The following TRIM36 variants were observed in gnomAD, a reference collection of about 807,000 sequenced individuals.
TRIM36 encodes the protein tripartite motif containing 36, also known as E3 ubiquitin-protein ligase TRIM36.
Under a neutral mutation model 72.4 loss-of-function variants are expected in TRIM36, and 42 were observed. That is an observed-to-expected ratio of 0.58 (90% CI 0.45 to 0.75). TRIM36 has a LOEUF of 0.75. Among genes scored for constraint, TRIM36 ranks in the 30% least tolerant of loss-of-function variants. The pLI is 0.00. For synonymous variants in TRIM36, 315 were observed against 282.8 expected, an observed-to-expected ratio of 1.11 and a Z score of -1.14; for missense variants, 913 against 857.1, an observed-to-expected ratio of 1.07 and a Z score of -0.81.
chr5:115,177,760 C>T, intron 1 of TRIM36: 1 of 1,614,074 alleles, frequency 6.2e-7, no homozygotes, highest in East Asian at 2.2e-5. Context: ...CTAAGTTCTT[C>T]TTGGGAGAGA....
chr5:115,154,972 G>A (rs1261377488), intron 2 of TRIM36, among the ~76,000 whole-genome samples: 1 of 151,856 alleles, frequency 6.6e-6, no homozygotes, highest in Admixed American at 6.6e-5. Context: ...CTGAGGTCAG[G>A]AGTTGGACAC....
chr5:115,179,267 G>A (rs944094320), intron 1 of TRIM36, among the ~76,000 whole-genome samples: 2 of 152,130 alleles, frequency 1.3e-5, no homozygotes, highest in Admixed American at 1.3e-4. Context: ...GCACCACCCC[G>A]CCTGCTGAGG....
In TRIM36 at chr5:115,130,750, T is replaced by C. The variant is rs771251750; in HGVS notation, c.1638A>G (p.Thr546=). 3.1e-6 allele frequency: 5 copies of C among 1,614,210 alleles called. No homozygotes were observed. The highest frequency in any genetic ancestry group is 3.3e-5 in the Admixed American group (2 of 60,032). The change falls in exon 9 of 10, where the codon ACA becomes ACG. Residue 546 remains threonine, a synonymous_variant. Coordinates refer to ENST00000513154, the MANE Select transcript of TRIM36 (RefSeq NM_001300759.2). ...TATCTCCAATGATGTAGTCTAAGCT[T>C]GTGTAATAACCCACTTGGATGCGTT... The part of the protein sequence containing the change: ...AAERIQVGYY[T]SLDYIIGDTG...
intron 2 of TRIM36, chr5:115,148,193 T>G: frequency 1.0e-5 from 3 of 301,062 alleles, no homozygotes; most frequent in Non-Finnish European, 1.5e-5. Context: ...ATTACTTAAC[T>G]CAGTAAGCCA....
In TRIM36 at chr5:115,147,738, A is replaced by G. The variant is rs150080811; in HGVS notation, c.263-344T>C. ...TTTTAAAATTATATAATTAGCATTT[A>G]TAGTTACTTTTATACACCATATCCA... is the stretch of plus-strand genomic sequence containing the variant. On this transcript the variant is annotated intron_variant, in intron 2 of 9. Transcript: ENST00000513154. 1.4e-3 allele frequency among the ~76,000 whole-genome samples: 210 copies of G among 152,354 alleles called. 1 individual carries two copies. Among genetic ancestry groups the G allele is most frequent in the African/African-American group, 4.9e-3 (204 of 41,584 alleles).
chr5:115,145,900 G>A lies in TRIM36; in HGVS notation c.589-1156C>T, dbSNP rs973381663. Among the ~76,000 whole-genome samples, 38 of 152,246 alleles carry A rather than the reference G, an allele frequency of 2.5e-4. 1 individual carries two copies. Among genetic ancestry groups the A allele is most frequent in the African/African-American group, 8.7e-4 (36 of 41,546 alleles). On this transcript the variant is annotated intron_variant, in intron 3 of 9. Coordinates refer to ENST00000513154, the MANE Select transcript of TRIM36 (RefSeq NM_001300759.2). ...CAAGAAATGATCAAAAGAACTCAACGTTATAGGCAAATATTCCATAGCATT... is the reference window on the plus strand; with the variant it reads ...CAAGAAATGATCAAAAGAACTCAACATTATAGGCAAATATTCCATAGCATT...
chr5:115,145,946 C>A (rs1753570717), intron 3 of TRIM36, among the ~76,000 whole-genome samples: 1 of 152,138 alleles, frequency 6.6e-6, no homozygotes, highest in South Asian at 2.1e-4. Flanking sequence ...ATTTTGGACA[C>A]CGTTTTAGAA....
At chr5:115,165,538 G>GC (rs941979304) in intron 1 of TRIM36, among the ~76,000 whole-genome samples, 4 of 152,312 alleles carry the variant, frequency 2.6e-5, no homozygotes, top group Admixed American at 2.6e-4. Flanking sequence ...AGCCACAACT[G>GC]GTACTGGAAC....
At chr5:115,134,478 CCCCTAAACAAACTATTATTT>C (rs1752860002) in intron 7 of TRIM36, among the ~76,000 whole-genome samples, 1 of 152,024 alleles carries the variant, frequency 6.6e-6, no homozygotes, top group Admixed American at 6.6e-5. Flanking sequence ...CCTATGTCCT[CCCCTAAACAAACTATTATTT>C]TAATATTTTA....
intron 2 of TRIM36, 75 bp downstream of exon 2, chr5:115,163,443 C>A: frequency 8.0e-7 from 1 of 1,254,710 alleles, no homozygotes; most frequent in Non-Finnish European, 1.1e-6. Context: ...AAATAATTTT[C>A]CTTCCAGTTA....
chr5:115,141,397 C>T lies in TRIM36; in HGVS notation c.736-23G>A, dbSNP rs373001772. On this transcript the variant is annotated intron_variant, in intron 4 of 9. Coordinates refer to ENST00000513154, the MANE Select transcript of TRIM36 (RefSeq NM_001300759.2). ...TTCCTGTTGAAACATATTCGTAACA[C>T]AAATAGACAAAACGGGAGTTTAGCA... is the stretch of plus-strand genomic sequence containing the variant. The T allele has an allele frequency of 1.1e-5, 17 of 1,532,346 alleles. No individual in the cohort carries two copies. In the African/African-American group the frequency reaches 1.4e-4, roughly 13 times the overall value. 94.9% of individuals were successfully genotyped at this position (1,532,346 alleles called of 1,614,324 possible). A position where few individuals can be genotyped will look rare whatever the true frequency, so the allele number is the denominator to read the frequency against.
At chr5:115,157,610 C>T (rs1754247328) in intron 2 of TRIM36, among the ~76,000 whole-genome samples, 1 of 151,964 alleles carries the variant, frequency 6.6e-6, no homozygotes, top group Non-Finnish European at 1.5e-5. Context: ...ATCCAGCAGT[C>T]CCACTAGCGG....
intron 3 of TRIM36, among the ~76,000 whole-genome samples, chr5:115,145,533 T>C (rs13356075): frequency 0.38 from 58,220 of 151,766 alleles, 11,516 homozygotes; most frequent in African/African-American, 0.46. Context: ...ATTTATTTAT[T>C]TATTTATTTT....
chr5:115,155,844 G>A lies in TRIM36; in HGVS notation c.262+7674C>T, dbSNP rs78354666. Among the ~76,000 whole-genome samples the A allele has an allele frequency of 2.6e-3, 390 of 152,150 alleles. 3 individuals carry two copies. The highest frequency in any genetic ancestry group is 6.8e-3 in the Middle Eastern group (2 of 294). The stretch of plus-strand genomic sequence containing the variant: ...ATCAGACATAAATGGCAACCAAATC[G>A]GTAAAAAGGAAGTCAAACTATCACT... On this transcript the variant is annotated intron_variant, in intron 2 of 9. Coordinates refer to ENST00000513154, the MANE Select transcript of TRIM36 (RefSeq NM_001300759.2).
chr5:115,161,528 T>C (rs984802074), intron 2 of TRIM36, among the ~76,000 whole-genome samples: 1 of 152,250 alleles, frequency 6.6e-6, no homozygotes, highest in Non-Finnish European at 1.5e-5. Context: ...ATTGAGCTGG[T>C]GTGGTATTGT....
chr5:115,150,211 T>C (rs989745971), intron 2 of TRIM36, among the ~76,000 whole-genome samples: 1 of 152,204 alleles, frequency 6.6e-6, no homozygotes, highest in Admixed American at 6.5e-5. Context: ...ATATCCTTAA[T>C]GAAAAAATCA....
Position 115,140,172 on chromosome 5 carries a change from C to T in TRIM36, c.831+1107G>A, listed in dbSNP as rs148208906. 4.4e-3 allele frequency among the ~76,000 whole-genome samples: 677 copies of T among 152,170 alleles called. 6 individuals carry two copies. Among genetic ancestry groups the T allele is most frequent in the African/African-American group, 0.016 (657 of 41,512 alleles). The stretch of plus-strand genomic sequence containing the variant: ...CACTGCTGGTAGTGGTGTTAATTTT[C>T]GTGATTTCTCAATAATTTCAACCTA... On this transcript the variant is annotated intron_variant, in intron 5 of 9. Transcript: ENST00000513154.
At chr5:115,158,247 A>ATAC (rs1262998205) in intron 2 of TRIM36, among the ~76,000 whole-genome samples, 1 of 152,252 alleles carries the variant, frequency 6.6e-6, no homozygotes, top group East Asian at 1.9e-4. Context: ...TGCAAATTAT[A>ATAC]TACTAGCACC....
rs565192718 is a variant in TRIM36, at chr5:115,163,780, G to A, written c.28-28C>T. 3.2e-6 allele frequency: 5 copies of A among 1,553,434 alleles called. No homozygotes were observed. In the East Asian group the frequency reaches 1.1e-4, roughly 35 times the overall value. On this transcript the variant is annotated intron_variant, in intron 1 of 9. Coordinates refer to ENST00000513154, the MANE Select transcript of TRIM36 (RefSeq NM_001300759.2). Reference sequence around the variant, plus strand: ...TGAGAGTAAAATAGTCCAAGTTAAAGGCTCTTAGTGGGTAAATATATTAAC... The same window carrying A: ...TGAGAGTAAAATAGTCCAAGTTAAAAGCTCTTAGTGGGTAAATATATTAAC...
Sources: allele counts gnomAD v4.1 joint callset (sites outside exome capture counted in the v4.1 genomes callset), GRCh38; gene constraint gnomAD v4.1.1; transcripts MANE v1.5; gene names NCBI Gene and HGNC (gene_info 2026-07-23, HGNC 2026-07-21).